The following MIR2052HG variants were observed in gnomAD, a reference collection of about 807,000 sequenced individuals.
MIR2052HG encodes the protein MIR2052 host gene.
chr8:74,619,056 T>G (rs1009302405), intron 2 of MIR2052HG, among the ~76,000 whole-genome samples: 2 of 152,150 alleles, frequency 1.3e-5, no homozygotes. Flanking sequence ...TACTTAGGAA[T>G]AAATTTTTTT....
chr8:74,613,764 G>A (rs1358323958), intron 2 of MIR2052HG, among the ~76,000 whole-genome samples: 1 of 152,152 alleles, frequency 6.6e-6, no homozygotes, highest in South Asian at 2.1e-4. Flanking sequence ...TGAGATTACC[G>A]GCATAAGCTG....
intron 2 of MIR2052HG, among the ~76,000 whole-genome samples, chr8:74,651,923 CT>C (rs1346469119): frequency 6.6e-6 from 1 of 152,128 alleles, no homozygotes; most frequent in African/African-American, 2.4e-5. Context: ...GGTAGCAAGC[CT>C]ATCTAGGCTT....
intron 2 of MIR2052HG, among the ~76,000 whole-genome samples, chr8:74,673,887 GTA>G (rs61228134): frequency 7.4e-4 from 90 of 121,572 alleles, no homozygotes; most frequent in Admixed American, 1.3e-3. Flanking sequence ...GTATTTTTTT[GTA>G]TATATATATA....
chr8:74,719,829 CT>C (rs1182515871), intron 4 of MIR2052HG, among the ~76,000 whole-genome samples: 110 of 124,074 alleles, frequency 8.9e-4, no homozygotes, highest in Admixed American at 2.2e-3. Flanking sequence ...AGTGCTCCTT[CT>C]TTTTTTTTTT....
chr8:74,675,249 G>T (rs994503141), intron 2 of MIR2052HG, among the ~76,000 whole-genome samples: 1 of 151,976 alleles, frequency 6.6e-6, no homozygotes, highest in South Asian at 2.1e-4. Flanking sequence ...CACATCAGCA[G>T]ATTCAACCAA....
intron 2 of MIR2052HG, among the ~76,000 whole-genome samples, chr8:74,696,500 CA>C (rs938688710): frequency 6.6e-6 from 1 of 150,996 alleles, no homozygotes; most frequent in African/African-American, 2.4e-5. Flanking sequence ...GAAATTGAAA[CA>C]AAAAAACACA....
intron 2 of MIR2052HG, among the ~76,000 whole-genome samples, chr8:74,648,019 TAAAA>T (rs1808711746): frequency 1.3e-5 from 2 of 152,062 alleles, no homozygotes; most frequent in Non-Finnish European, 2.9e-5. Context: ...CAGTGCACCC[TAAAA>T]AAGAACAGAA....
chr8:74,705,372 A>G (rs912745013), intron 4 of MIR2052HG, among the ~76,000 whole-genome samples: 1 of 151,986 alleles, frequency 6.6e-6, no homozygotes, highest in South Asian at 2.1e-4. Flanking sequence ...CTTTCTCTTC[A>G]GCCTCTCTAA....
intron 4 of MIR2052HG, among the ~76,000 whole-genome samples, chr8:74,742,436 C>G (rs1809840408): frequency 6.6e-6 from 1 of 151,990 alleles, no homozygotes; most frequent in Non-Finnish European, 1.5e-5. Flanking sequence ...CTTTTTTGTT[C>G]ATATTTAAAA....
chr8:74,671,301 T>C (rs1808990037), intron 2 of MIR2052HG, among the ~76,000 whole-genome samples: 1 of 152,170 alleles, frequency 6.6e-6, no homozygotes. Flanking sequence ...TTAGGTAGAC[T>C]GAATTTTTGC....
At chr8:74,633,007 T>A (rs1808536117) in intron 2 of MIR2052HG, among the ~76,000 whole-genome samples, 1 of 151,866 alleles carries the variant, frequency 6.6e-6, no homozygotes, top group South Asian at 2.1e-4. Context: ...TATATCCTAC[T>A]CTTTTATTTG....
intron 4 of MIR2052HG, among the ~76,000 whole-genome samples, chr8:74,727,779 C>G (rs1809651849): frequency 6.6e-6 from 1 of 152,078 alleles, no homozygotes; most frequent in Admixed American, 6.6e-5. Flanking sequence ...TTAAAGAGCT[C>G]TGGGGTGTGT....
At chr8:74,723,846 A>G (rs1004432726) in intron 4 of MIR2052HG, among the ~76,000 whole-genome samples, 1 of 152,218 alleles carries the variant, frequency 6.6e-6, no homozygotes, top group African/African-American at 2.4e-5. Flanking sequence ...GTTCAGGAAG[A>G]CTATCGTCTT....
At chr8:74,622,535 T>C (rs2588307) in intron 2 of MIR2052HG, among the ~76,000 whole-genome samples, 96,953 of 151,956 alleles carry the variant, frequency 0.64, 31,084 homozygotes, top group Middle Eastern at 0.74. Flanking sequence ...ACCTGGGAGA[T>C]GAAGGTTGCA....
chr8:74,708,168 T>G (rs1809430061), intron 4 of MIR2052HG, among the ~76,000 whole-genome samples: 1 of 152,198 alleles, frequency 6.6e-6, no homozygotes, highest in African/African-American at 2.4e-5. Context: ...ATCTGGCATC[T>G]TGAGTTGGCA....
chr8:74,724,321 A>G (rs1455518380), intron 4 of MIR2052HG, among the ~76,000 whole-genome samples: 3 of 152,184 alleles, frequency 2.0e-5, no homozygotes, highest in Non-Finnish European at 2.9e-5. Flanking sequence ...TTCAGGAGAT[A>G]ACAGCACAGA....
chr8:74,723,928 C>T (rs1563540125), intron 4 of MIR2052HG, among the ~76,000 whole-genome samples: 2 of 152,128 alleles, frequency 1.3e-5, no homozygotes. Context: ...GTTGGAAGTT[C>T]AATAGACTAG....
At chr8:74,690,165 A>G (rs376312592) in intron 2 of MIR2052HG, among the ~76,000 whole-genome samples, 29 of 152,344 alleles carry the variant, frequency 1.9e-4, no homozygotes, top group African/African-American at 6.7e-4. Flanking sequence ...TGCTATATAA[A>G]TATGGGCAAC....
intron 4 of MIR2052HG, among the ~76,000 whole-genome samples, chr8:74,730,045 A>G (rs1220828102): frequency 6.6e-6 from 1 of 152,192 alleles, no homozygotes; most frequent in Admixed American, 6.5e-5. Context: ...TGAGCAATAG[A>G]TGAAGATGAG....
Sources: gnomAD v4.1 joint callset for allele counts (sites outside exome capture counted in the v4.1 genomes callset) on GRCh38, gnomAD v4.1.1 for gene constraint, MANE v1.5 for transcripts, NCBI Gene and HGNC (gene_info 2026-07-23, HGNC 2026-07-21) for gene names.